Variants in UTP20 observed in about 807,000 individuals in gnomAD.
The protein encoded by UTP20 is UTP20 small subunit processome component, also known as small subunit processome component 20 homolog.
Under a neutral mutation model 329.5 loss-of-function variants are expected in UTP20, and 164 were observed. The observed-to-expected ratio is 0.50, with a 90% CI of 0.44 to 0.57. The LOEUF is 0.57. UTP20 is among the 20% of genes least tolerant of loss of function. UTP20 has a pLI of 0.00. For synonymous variants in UTP20, 1,151 were observed against 1,159.3 expected (o/e 0.99, Z 0.14); for missense variants, 3,055 against 3,284.2 (o/e 0.93, Z 1.71).
At position 101,317,577 on chromosome 12, in the gene UTP20, C is replaced by G. The variant is rs758804530; in HGVS notation, c.2652C>G (p.Ala884=). Residue 884 remains alanine, a synonymous_variant, in exon 22 of 62, where the codon GCC becomes GCG. Coordinates refer to ENST00000261637, the MANE Select transcript of UTP20 (RefSeq NM_014503.3). The part of the protein sequence containing the change: ...MVAEEIEEEP[A]AGDDEELEEE... The stretch of plus-strand genomic sequence containing the variant: ...CAGAGGAAATCGAAGAGGAACCTGC[C>G]GCAGGAGATGATGAAGAGTTGGAGG... 1.2e-6 allele frequency: 2 copies of G among 1,613,796 alleles called. No homozygotes were observed. The highest frequency in any genetic ancestry group is 1.7e-5 in the Admixed American group (1 of 59,974).
At chr12:101,300,116 A>G in intron 14 of UTP20, 55 bp downstream of exon 14, 1 of 1,487,046 alleles carries the variant, frequency 6.7e-7, no homozygotes, top group Admixed American at 1.7e-5. Flanking sequence ...CACTCAAAGT[A>G]ATTGTAAACA....
chr12:101,365,418 T>G (rs1471026556), intron 45 of UTP20, 41 bp from the exon 46 acceptor site: 1 of 1,469,774 alleles, frequency 6.8e-7, no homozygotes, highest in African/African-American at 1.4e-5. Flanking sequence ...CAAAATGCAT[T>G]TCTGTGTCAT....
At chr12:101,324,126 G>A (rs1868471231) in intron 25 of UTP20, among the ~76,000 whole-genome samples, 2 of 150,744 alleles carry the variant, frequency 1.3e-5, no homozygotes, top group African/African-American at 4.9e-5. Flanking sequence ...GACAGAGCGA[G>A]ACTCTGTCTC....
At chr12:101,360,221 C>T (rs969359952) in intron 43 of UTP20, among the ~76,000 whole-genome samples, 1 of 152,204 alleles carries the variant, frequency 6.6e-6, no homozygotes, top group Non-Finnish European at 1.5e-5. Context: ...GTCATCCTCA[C>T]CTCCACCAAA....
At chr12:101,286,187 A>C in intron 4 of UTP20, 134 bp from the exon 5 acceptor site, 1 of 902,956 alleles carries the variant, frequency 1.1e-6, no homozygotes, top group Non-Finnish European at 1.6e-6. Flanking sequence ...AAAGAATTTT[A>C]TAATTTTTCA....
chr12:101,356,473 C>G (rs1341009999), intron 41 of UTP20, 81 bp from the exon 42 acceptor site: 2 of 1,259,170 alleles, frequency 1.6e-6, no homozygotes, highest in Non-Finnish European at 2.2e-6. Flanking sequence ...AAAAACTTGT[C>G]TTTCAAATAC....
chr12:101,297,221 T>C (rs753173292), intron 12 of UTP20, among the ~76,000 whole-genome samples: 2 of 152,060 alleles, frequency 1.3e-5, no homozygotes, highest in African/African-American at 2.4e-5. Flanking sequence ...TTATTTATTA[T>C]TATTATTATT....
intron 16 of UTP20, 145 bp downstream of exon 16, chr12:101,306,210 C>T: frequency 2.8e-6 from 3 of 1,055,098 alleles, no homozygotes; most frequent in South Asian, 2.0e-5. Context: ...TGTTGGCCTG[C>T]AAACCAATTG....
At chr12:101,351,084 C>T (rs1869502682) in intron 38 of UTP20, among the ~76,000 whole-genome samples, 2 of 151,686 alleles carry the variant, frequency 1.3e-5, no homozygotes, top group South Asian at 2.1e-4. Flanking sequence ...GATCACTGGC[C>T]TGCAGTGGTT....
chr12:101,380,249 A>T (rs1870598350), intron 57 of UTP20, among the ~76,000 whole-genome samples: 1 of 151,916 alleles, frequency 6.6e-6, no homozygotes, highest in Non-Finnish European at 1.5e-5. Flanking sequence ...ATGGTGGTGT[A>T]CACCTGTAGT....
chr12:101,360,047 T>C (rs1207718954), intron 43 of UTP20, among the ~76,000 whole-genome samples: 1 of 152,234 alleles, frequency 6.6e-6, no homozygotes, highest in East Asian at 1.9e-4. Context: ...AAGGAACACT[T>C]GAGGTGTTTA....
intron 37 of UTP20, among the ~76,000 whole-genome samples, chr12:101,346,169 A>G (rs1023793379): frequency 3.9e-5 from 6 of 152,006 alleles, no homozygotes; most frequent in Non-Finnish European, 8.8e-5. Flanking sequence ...CTCCTGCCTC[A>G]GCGTCCTGAG....
chr12:101,290,886 C>T lies in UTP20; in HGVS notation c.889C>T (p.Gln297Ter). The T allele has an allele frequency of 6.2e-7, 1 of 1,611,142 alleles. No homozygotes were observed. The highest frequency in any genetic ancestry group is 8.5e-7 in the Non-Finnish European group (1 of 1,179,136). ...TTTTGGTACATTTTTTGAATGTTTG[C>T]AAGTGAGTTCTAATCTTTAAGGATG... is the stretch of plus-strand genomic sequence containing the variant. The part of the protein sequence containing the change: ...EHFGTFFECL[Q>*]ESLLDLHTKV... Residue 297 changes from glutamine to a stop codon, truncating the protein, a stop_gained and splice_region_variant, in exon 8 of 62, where the codon CAA becomes TAA. Coordinates refer to ENST00000261637, the MANE Select transcript of UTP20 (RefSeq NM_014503.3). LOFTEE classifies it high-confidence loss of function.
chr12:101,282,293 C>A (rs73159714), intron 2 of UTP20, among the ~76,000 whole-genome samples: 1 of 152,066 alleles, frequency 6.6e-6, no homozygotes, highest in African/African-American at 2.4e-5. Context: ...GTGATCTAGA[C>A]GAGGTGACAC....
intron 41 of UTP20, among the ~76,000 whole-genome samples, chr12:101,355,799 GTATATTTGTAATACAAATTTA>G: frequency 6.6e-6 from 1 of 151,564 alleles, no homozygotes; most frequent in Non-Finnish European, 1.5e-5. Flanking sequence ...TTTATATTTT[GTATATTTGTAATACAAATTTA>G]TATATTTGTA....
chr12:101,380,209 C>A (rs1407973510), intron 57 of UTP20, among the ~76,000 whole-genome samples: 1 of 151,904 alleles, frequency 6.6e-6, no homozygotes, highest in Non-Finnish European at 1.5e-5. Context: ...GAAAACCTAT[C>A]TCTACAAAAA....
chr12:101,294,561 G>A (rs987511256), intron 11 of UTP20, among the ~76,000 whole-genome samples: 2 of 114,582 alleles, frequency 1.7e-5, no homozygotes, highest in Admixed American at 1.0e-4. Flanking sequence ...TTTTTTTGTC[G>A]AGACATAGTC....
intron 10 of UTP20, among the ~76,000 whole-genome samples, chr12:101,292,698 G>A (rs1872204352): frequency 6.6e-6 from 1 of 152,156 alleles, no homozygotes; most frequent in Non-Finnish European, 1.5e-5. Flanking sequence ...TGAGCGCATG[G>A]ACACATGATA....
Position 101,383,097 on chromosome 12 carries a change from T to G in UTP20, c.7713T>G (p.Cys2571Trp), listed in dbSNP as rs759163867. 8 of 1,613,308 alleles carry G rather than the reference T, an allele frequency of 5.0e-6. No individual in the cohort carries two copies. The South Asian group carries it at 5.5e-5, about 11-fold the overall frequency. ...AKVLYLLELY[C>W]EDKQSKIKED... is the part of the protein sequence containing the mutation. ...TCTTGTATTTACTGGAACTTTATTG[T>G]GAGGATAAGCAAAGTAAGATAAAAG... Residue 2571 changes from cysteine to tryptophan, a missense_variant, in exon 59 of 62, where the codon TGT (cysteine) becomes TGG (tryptophan). By Grantham distance (215) the Cys-to-Trp change is radical. This residue lies in a region of UTP20 where 337 missense variants were observed against 345.5 expected (regional missense o/e 0.98). Coordinates refer to ENST00000261637, the MANE Select transcript of UTP20 (RefSeq NM_014503.3).
Sources: gnomAD v4.1 joint callset for allele counts (sites outside exome capture counted in the v4.1 genomes callset) on GRCh38, gnomAD v4.1.1 for gene constraint, gnomAD v4.1.1 regional missense constraint, MANE v1.5 for transcripts, NCBI Gene and HGNC (gene_info 2026-07-23, HGNC 2026-07-21) for gene names.